The following GAPVD1 variants were observed in gnomAD, a reference collection of about 807,000 sequenced individuals.
The protein encoded by GAPVD1 is GTPase-activating protein and VPS9 domain-containing protein 1.
GAPVD1 carries 35 observed loss-of-function variants against 155.5 expected under a neutral mutation model. The ratio of observed to expected loss-of-function variants is 0.23; its 90% confidence interval spans 0.17 to 0.30. GAPVD1 has a LOEUF of 0.30. Ranked by LOEUF, GAPVD1 falls within the 10% of genes least tolerant of loss-of-function variation. GAPVD1 has a pLI of 1.00. For missense variants in GAPVD1, 1,429 were observed against 1,775.7 expected, an observed-to-expected ratio of 0.80 and a Z score of 3.51; for synonymous variants, 636 against 619.7, an observed-to-expected ratio of 1.03 and a Z score of -0.39.
At position 125,268,507 on chromosome 9, in the gene GAPVD1, T is replaced by G. The variant is rs1834355271; in HGVS notation, c.-198-429T>G. 1.3e-5 allele frequency among the ~76,000 whole-genome samples: 2 copies of G among 150,100 alleles called. 1 individual carries two copies. The highest frequency in any genetic ancestry group is 4.3e-4 in the South Asian group (2 of 4,704). Reference sequence around the variant, plus strand: ...TACCCCTAACATTGTTTTTTTTTTTTTTTTTTTTTCGAGACAAGGTCTTGG... The same window carrying G: ...TACCCCTAACATTGTTTTTTTTTTTGTTTTTTTTTCGAGACAAGGTCTTGG... On this transcript the variant is annotated intron_variant, in intron 1 of 27. Coordinates refer to ENST00000297933, the MANE Select transcript of GAPVD1 (RefSeq NM_001282680.3).
rs922849885 is a variant in GAPVD1, at chr9:125,367,032, A to T, written c.*4286A>T. The T allele has an allele frequency of 6.6e-5, 10 of 152,216 alleles. No individual in the cohort carries two copies. Among genetic ancestry groups the T allele is most frequent in the Non-Finnish European group, 1.2e-4 (8 of 68,034 alleles). The allele number at this position is 152,216 out of a possible 1,614,324, so 9.4% of individuals were successfully genotyped here. On this transcript the variant is annotated 3_prime_UTR_variant, in exon 28 of 28. Coordinates refer to ENST00000297933, the MANE Select transcript of GAPVD1 (RefSeq NM_001282680.3). The stretch of plus-strand genomic sequence containing the variant: ...TGGATTCTTCTTGTGCTTCACCTGG[A>T]TTAAAAAGCTGTACTGCCTCTTTTG...
intron 2 of GAPVD1, among the ~76,000 whole-genome samples, chr9:125,280,344 C>T (rs561554787): frequency 1.4e-5 from 2 of 139,408 alleles, no homozygotes; most frequent in South Asian, 2.2e-4. Context: ...TGTGGTGAGC[C>T]GAGATTGCGC....
intron 25 of GAPVD1, among the ~76,000 whole-genome samples, chr9:125,357,700 G>T (rs981982566): frequency 6.6e-6 from 1 of 151,466 alleles, no homozygotes; most frequent in Non-Finnish European, 1.5e-5. Flanking sequence ...CTGGCTGGGC[G>T]CAGTGGCGTA....
chr9:125,268,247 C>T, intron 1 of GAPVD1, among the ~76,000 whole-genome samples: 1 of 147,982 alleles, frequency 6.8e-6, no homozygotes, highest in Non-Finnish European at 1.5e-5. Context: ...GCTTTCTTAG[C>T]CACCGTCACA....
In GAPVD1 at chr9:125,355,866, TTC is replaced by T; in HGVS notation, c.3971+11_3971+12del. On this transcript the variant is annotated intron_variant, in intron 25 of 27. Transcript: ENST00000297933. ...GACATACTTCGCGACCAGTAAGTACTTCTATGTTGAGTGCCTATGTGGAACTA... is the reference window on the plus strand; with the variant it reads ...GACATACTTCGCGACCAGTAAGTACTTATGTTGAGTGCCTATGTGGAACTA... 6.7e-7 allele frequency: 1 copy of T among 1,496,670 alleles called. No individual in the cohort carries two copies. Among genetic ancestry groups the T allele is most frequent in the Non-Finnish European group, 9.3e-7 (1 of 1,072,670 alleles). The allele number at this position is 1,496,670 out of a possible 1,614,324, so 92.7% of individuals were successfully genotyped here. A position where few individuals can be genotyped will look rare whatever the true frequency, so the allele number is the denominator to read the frequency against.
chr9:125,292,194 G>A (rs769449166), intron 2 of GAPVD1, among the ~76,000 whole-genome samples: 6 of 152,040 alleles, frequency 3.9e-5, no homozygotes, highest in Non-Finnish European at 5.9e-5. Flanking sequence ...CCATGATACC[G>A]CCACTGCACT....
At chr9:125,283,311 G>A (rs140614642) in intron 2 of GAPVD1, among the ~76,000 whole-genome samples, 106 of 151,822 alleles carry the variant, frequency 7.0e-4, no homozygotes, top group African/African-American at 2.1e-3. Context: ...CATCCACCTC[G>A]GCCTCCCAAA....
chr9:125,297,897 C>A (rs1159537430), intron 3 of GAPVD1, among the ~76,000 whole-genome samples: 1 of 152,062 alleles, frequency 6.6e-6, no homozygotes, highest in Non-Finnish European at 1.5e-5. Context: ...AGGTGTACAC[C>A]ACCACACCCA....
intron 8 of GAPVD1, among the ~76,000 whole-genome samples, chr9:125,310,779 C>G (rs572186379): frequency 6.6e-6 from 1 of 151,250 alleles, no homozygotes; most frequent in South Asian, 2.1e-4. Flanking sequence ...CTCAGGAGAT[C>G]CACCCACCTC....
At chr9:125,352,678 A>G (rs1849474974) in intron 23 of GAPVD1, among the ~76,000 whole-genome samples, 1 of 152,226 alleles carries the variant, frequency 6.6e-6, no homozygotes, top group Admixed American at 6.5e-5. Flanking sequence ...TGTCTTGGGA[A>G]TTAATATTCA....
intron 2 of GAPVD1, among the ~76,000 whole-genome samples, chr9:125,294,753 C>T (rs1055829478): frequency 3.4e-5 from 5 of 146,820 alleles, no homozygotes; most frequent in African/African-American, 1.3e-4. Flanking sequence ...AGATGTTTTG[C>T]AGGTAGAGGA....
chr9:125,333,157 C>T (rs191395642), intron 15 of GAPVD1, among the ~76,000 whole-genome samples: 179 of 152,110 alleles, frequency 1.2e-3, no homozygotes, highest in African/African-American at 4.1e-3. Context: ...ACTGCACTTC[C>T]GCCTCCTGGG....
chr9:125,298,100 A>G (rs1300749696), intron 3 of GAPVD1, among the ~76,000 whole-genome samples: 1 of 152,190 alleles, frequency 6.6e-6, no homozygotes, highest in East Asian at 1.9e-4. Flanking sequence ...CTAGAAGTAC[A>G]AGAAAGGAAG....
intron 2 of GAPVD1, among the ~76,000 whole-genome samples, chr9:125,282,186 G>A (rs1021571257): frequency 7.2e-5 from 11 of 152,268 alleles, no homozygotes; most frequent in Non-Finnish European, 1.0e-4. Flanking sequence ...GGCTGAGGCA[G>A]GAGAATCACT....
intron 12 of GAPVD1, among the ~76,000 whole-genome samples, chr9:125,327,778 A>G (rs1375908912): frequency 6.6e-6 from 1 of 152,208 alleles, no homozygotes; most frequent in Non-Finnish European, 1.5e-5. Context: ...TGCTGGGATT[A>G]CAGTCATGAG....
At chr9:125,282,032 A>C (rs1055672313) in intron 2 of GAPVD1, among the ~76,000 whole-genome samples, 1 of 152,176 alleles carries the variant, frequency 6.6e-6, no homozygotes, top group African/African-American at 2.4e-5. Flanking sequence ...TGTAATCCCA[A>C]CACTTTGGAA....
intron 19 of GAPVD1, among the ~76,000 whole-genome samples, chr9:125,343,236 G>A (rs967785764): frequency 6.6e-6 from 1 of 150,848 alleles, no homozygotes; most frequent in Non-Finnish European, 1.5e-5. Flanking sequence ...ATTAGTGTTA[G>A]TGTATTTTAT....
intron 10 of GAPVD1, among the ~76,000 whole-genome samples, chr9:125,321,938 A>G (rs1844381019): frequency 6.6e-6 from 1 of 152,214 alleles, no homozygotes; most frequent in East Asian, 1.9e-4. Context: ...ACATACTCTT[A>G]AATGTTCTGT....
At chr9:125,313,172 A>G (rs992652851) in intron 9 of GAPVD1, among the ~76,000 whole-genome samples, 4 of 151,794 alleles carry the variant, frequency 2.6e-5, no homozygotes, top group African/African-American at 9.7e-5. Flanking sequence ...CCCTGCCTTC[A>G]TGACCTAATC....
Sources: allele counts gnomAD v4.1 joint callset (sites outside exome capture counted in the v4.1 genomes callset), GRCh38; gene constraint gnomAD v4.1.1; transcripts MANE v1.5; gene names NCBI Gene and HGNC (gene_info 2026-07-23, HGNC 2026-07-21).